CNTNAP2: variants seen among roughly 807,000 people sequenced by gnomAD.
CNTNAP2 encodes the protein contactin associated protein 2.
A neutral mutation model predicts 155.2 loss-of-function variants in CNTNAP2; 98 were observed. The ratio of observed to expected loss-of-function variants is 0.63; its 90% CI spans 0.54 to 0.75. The LOEUF (loss-of-function observed/expected upper bound fraction) is 0.75, where lower values mean the gene tolerates loss of function less well. Among genes scored for constraint, CNTNAP2 ranks in the 30% least tolerant of loss-of-function variants. The probability of loss-of-function intolerance (pLI) is 0.00; values close to 1 mark genes in which losing one functional copy is unlikely to be tolerated. For synonymous variants in CNTNAP2, 651 were observed against 631.2 expected (o/e 1.03, Z -0.47); for missense variants, 1,727 against 1,688.1 (o/e 1.02, Z -0.40).
At chr7:147,287,748 C>A (rs1196079994) in intron 8 of CNTNAP2, among the ~76,000 whole-genome samples, 1 of 152,136 alleles carries the variant, frequency 6.6e-6, no homozygotes, top group Non-Finnish European at 1.5e-5. Context: ...CTCCCCCAGT[C>A]TCTCATTACA....
intron 1 of CNTNAP2, among the ~76,000 whole-genome samples, chr7:146,524,037 A>T (rs562405997): frequency 6.6e-6 from 1 of 152,176 alleles, no homozygotes; most frequent in South Asian, 2.1e-4. Context: ...GGCATCAAGC[A>T]TTAATCAATA....
intron 1 of CNTNAP2, among the ~76,000 whole-genome samples, chr7:146,398,159 G>A (rs1795659751): frequency 6.9e-6 from 1 of 145,334 alleles, no homozygotes. Context: ...GACTATAGGT[G>A]TGAGCACCTA....
At chr7:146,800,946 C>T (rs1034490483) in intron 2 of CNTNAP2, among the ~76,000 whole-genome samples, 1 of 152,036 alleles carries the variant, frequency 6.6e-6, no homozygotes, top group Non-Finnish European at 1.5e-5. Context: ...GAAGGAAACT[C>T]CTCTCTTTAG....
At chr7:148,167,140 T>C (rs561145216) in intron 17 of CNTNAP2, among the ~76,000 whole-genome samples, 77 of 152,166 alleles carry the variant, frequency 5.1e-4, no homozygotes, top group Non-Finnish European at 6.3e-4. Context: ...AAACTTTTTA[T>C]TTATTTATTT....
chr7:147,157,365 G>T (rs1305953187), intron 8 of CNTNAP2, among the ~76,000 whole-genome samples: 1 of 152,110 alleles, frequency 6.6e-6, no homozygotes, highest in Non-Finnish European at 1.5e-5. Context: ...TGATCAGGAG[G>T]AAGAGGCTAC....
intron 13 of CNTNAP2, among the ~76,000 whole-genome samples, chr7:147,678,515 A>G (rs1172285151): frequency 3.3e-5 from 5 of 151,904 alleles, no homozygotes; most frequent in Non-Finnish European, 7.4e-5. Flanking sequence ...TTAACTGACT[A>G]CAGAATGAAG....
intron 1 of CNTNAP2, among the ~76,000 whole-genome samples, chr7:146,431,956 C>A (rs1460436870): frequency 6.6e-6 from 1 of 152,070 alleles, no homozygotes; most frequent in Non-Finnish European, 1.5e-5. Context: ...AGATTTCACA[C>A]ACAGAAAAAA....
intron 1 of CNTNAP2, among the ~76,000 whole-genome samples, chr7:146,474,680 A>C (rs997491539): frequency 6.6e-6 from 1 of 152,060 alleles, no homozygotes; most frequent in Non-Finnish European, 1.5e-5. Flanking sequence ...ACACATCTTT[A>C]AAAAAAACTA....
At chr7:146,389,362 T>G (rs1160240837) in intron 1 of CNTNAP2, among the ~76,000 whole-genome samples, 1 of 152,142 alleles carries the variant, frequency 6.6e-6, no homozygotes, top group African/African-American at 2.4e-5. Context: ...TGGAAAATTT[T>G]ATTAATTTTT....
chr7:147,862,036 G>C (rs937254121), intron 13 of CNTNAP2, among the ~76,000 whole-genome samples: 3 of 144,196 alleles, frequency 2.1e-5, no homozygotes, highest in Non-Finnish European at 4.6e-5. Flanking sequence ...AAGACACGAA[G>C]GATAGGAGTT....
intron 2 of CNTNAP2, among the ~76,000 whole-genome samples, chr7:146,828,850 T>A (rs2129198105): frequency 6.6e-6 from 1 of 152,218 alleles, no homozygotes; most frequent in East Asian, 1.9e-4. Flanking sequence ...TAAAATAATG[T>A]AAAATAAGGG....
chr7:146,350,028 T>G (rs1280589235), intron 1 of CNTNAP2, among the ~76,000 whole-genome samples: 1 of 152,206 alleles, frequency 6.6e-6, no homozygotes, highest in African/African-American at 2.4e-5. Context: ...CTTGCTAGAT[T>G]GGGGAAGTTC....
chr7:147,457,071 G>C (rs1208057668), intron 10 of CNTNAP2, among the ~76,000 whole-genome samples: 1 of 152,146 alleles, frequency 6.6e-6, no homozygotes, highest in Non-Finnish European at 1.5e-5. Context: ...AACTGGACCA[G>C]TACTTTTCCT....
intron 4 of CNTNAP2, among the ~76,000 whole-genome samples, chr7:147,103,148 T>C (rs984810748): frequency 1.3e-5 from 2 of 152,158 alleles, no homozygotes; most frequent in African/African-American, 2.4e-5. Flanking sequence ...TCTACAAATA[T>C]TTAATAAATA....
intron 18 of CNTNAP2, among the ~76,000 whole-genome samples, chr7:148,193,995 G>A (rs1795236926): frequency 6.6e-6 from 1 of 151,048 alleles, no homozygotes; most frequent in Non-Finnish European, 1.5e-5. Context: ...AACTGAAACA[G>A]GGTCTTGCTC....
intron 9 of CNTNAP2, among the ~76,000 whole-genome samples, chr7:147,313,779 G>T (rs1356884160): frequency 7.9e-5 from 12 of 152,052 alleles, no homozygotes; most frequent in African/African-American, 2.9e-4. Flanking sequence ...CTTTAAAGTA[G>T]TTTTTTCCCA....
At chr7:148,233,000 C>G (rs1027760200) in intron 20 of CNTNAP2, among the ~76,000 whole-genome samples, 1 of 152,194 alleles carries the variant, frequency 6.6e-6, no homozygotes, top group Non-Finnish European at 1.5e-5. Context: ...CAGACACCAG[C>G]GTGAACCAGA....
chr7:148,383,575 A>G (rs1799118444), intron 21 of CNTNAP2, 74 bp from the exon 22 acceptor site: 1 of 1,602,100 alleles, frequency 6.2e-7, no homozygotes, highest in Non-Finnish European at 8.6e-7. Flanking sequence ...GGACACAAGC[A>G]TTCAAAGACA....
In CNTNAP2 at chr7:146,968,777, A is replaced by T. The variant is rs1309231268; in HGVS notation, c.403-75130A>T. 2.0e-5 allele frequency among the ~76,000 whole-genome samples: 3 copies of T among 151,116 alleles called. No individual in the cohort carries two copies. The East Asian group carries it at 5.8e-4, about 29-fold the overall frequency. ...AAAAAACCAGTTCCTGGATTCATTA[A>T]TTTTTTGAAGGGTTTTTTGTGTCTC... is the stretch of plus-strand genomic sequence containing the variant. On this transcript the variant is annotated intron_variant, in intron 3 of 23. Transcript: ENST00000361727.
Sources: allele counts gnomAD v4.1 joint callset (sites outside exome capture counted in the v4.1 genomes callset), GRCh38; gene constraint gnomAD v4.1.1; transcripts MANE v1.5; gene names NCBI Gene and HGNC (gene_info 2026-07-23, HGNC 2026-07-21).